SLC24A2: variants seen among roughly 807,000 people sequenced by gnomAD.
The protein encoded by SLC24A2 is solute carrier family 24 member 2.
Under a neutral mutation model 62.0 loss-of-function variants are expected in SLC24A2, and 36 were observed. The ratio of observed to expected loss-of-function variants is 0.58; its 90% CI spans 0.44 to 0.77. The LOEUF (loss-of-function observed/expected upper bound fraction) is 0.77, where lower values mean the gene tolerates loss of function less well. SLC24A2 is among the 30% of genes least tolerant of loss of function. The pLI is 0.00. For missense variants in SLC24A2, 846 were observed against 817.9 expected (o/e 1.03, Z -0.42); for synonymous variants, 358 against 294.0 (o/e 1.22, Z -2.23).
At chr9:19,542,967 G>GA (rs1238878995) in intron 8 of SLC24A2, among the ~76,000 whole-genome samples, 2 of 152,142 alleles carry the variant, frequency 1.3e-5, no homozygotes, top group Admixed American at 6.5e-5. Flanking sequence ...AGTTAGGGAG[G>GA]ATCCCCTCTT....
intron 2 of SLC24A2, among the ~76,000 whole-genome samples, chr9:19,727,301 G>C (rs575547056): frequency 3.9e-5 from 6 of 152,260 alleles, no homozygotes; most frequent in African/African-American, 1.4e-4. Flanking sequence ...AACAAAAAAA[G>C]AATATTTTAG....
At chr9:20,136,895 C>A in the SLC24A2 span, among the ~76,000 whole-genome samples, 14,928 of 152,112 alleles carry the variant, frequency 0.098, 1,169 homozygotes, top group East Asian at 0.31. Flanking sequence ...TTAACCTTCT[C>A]ACAAGGACTT....
chr9:19,534,893 CAAA>C lies in SLC24A2; in HGVS notation c.1480-6758_1480-6756del, dbSNP rs563096532. Among the ~76,000 whole-genome samples the C allele has an allele frequency of 1.2e-3, 181 of 152,260 alleles. 1 individual carries two copies. The highest frequency in any genetic ancestry group is 4.1e-3 in the African/African-American group (170 of 41,532). On this transcript the variant is annotated intron_variant, in intron 8 of 10. Transcript: ENST00000341998. ...ATACCCAGTAATGAGATTGCTGGGT[CAAA>C]TGGTATTTCTAATTCTAGATCCTTG...
At chr9:19,715,515 A>T (rs1168880535) in intron 2 of SLC24A2, among the ~76,000 whole-genome samples, 3 of 152,220 alleles carry the variant, frequency 2.0e-5, no homozygotes, top group Admixed American at 1.3e-4. Context: ...AATCAACATT[A>T]TGGCTCCTCA....
the SLC24A2 span, among the ~76,000 whole-genome samples, chr9:20,141,223 T>C: frequency 1.3e-5 from 2 of 152,158 alleles, no homozygotes; most frequent in Non-Finnish European, 2.9e-5. Context: ...GAGGCTCACC[T>C]GGTAAGAGAT....
the SLC24A2 span, among the ~76,000 whole-genome samples, chr9:19,939,692 A>G: frequency 6.6e-6 from 1 of 152,216 alleles, no homozygotes; most frequent in African/African-American, 2.4e-5. Flanking sequence ...TTCCACAGCT[A>G]TACTATCACT....
intron 2 of SLC24A2, among the ~76,000 whole-genome samples, chr9:19,708,438 G>T (rs941437977): frequency 2.0e-5 from 3 of 152,066 alleles, no homozygotes; most frequent in Admixed American, 2.0e-4. Flanking sequence ...AAAAGAGCCT[G>T]CATCACCAAG....
At chr9:20,229,027 G>A in the SLC24A2 span, among the ~76,000 whole-genome samples, 1 of 152,138 alleles carries the variant, frequency 6.6e-6, no homozygotes, top group Non-Finnish European at 1.5e-5. Flanking sequence ...AGCTGGGTGT[G>A]AGGTGTGACA....
intron 5 of SLC24A2, among the ~76,000 whole-genome samples, chr9:19,578,695 C>G (rs1157978034): frequency 6.6e-6 from 1 of 152,112 alleles, no homozygotes; most frequent in Non-Finnish European, 1.5e-5. Context: ...CAGATTGGCA[C>G]CCACTGCCCA....
chr9:19,830,140 C>T, the SLC24A2 span, among the ~76,000 whole-genome samples: 2 of 152,186 alleles, frequency 1.3e-5, no homozygotes, highest in African/African-American at 4.8e-5. Flanking sequence ...CCAGGGCTGC[C>T]ATGCAGGCCT....
chr9:20,260,754 G>A, the SLC24A2 span, among the ~76,000 whole-genome samples: 12 of 151,768 alleles, frequency 7.9e-5, no homozygotes, highest in East Asian at 1.9e-4. Context: ...ACCTATCACC[G>A]GAAGAGTGTA....
At chr9:20,079,589 G>A in the SLC24A2 span, among the ~76,000 whole-genome samples, 7,691 of 152,242 alleles carry the variant, frequency 0.051, 637 homozygotes, top group African/African-American at 0.17. Context: ...TTATTTTGCA[G>A]TTTTGAATAA....
chr9:20,082,366 T>C, the SLC24A2 span, among the ~76,000 whole-genome samples: 1 of 152,196 alleles, frequency 6.6e-6, no homozygotes, highest in Non-Finnish European at 1.5e-5. Flanking sequence ...GAAAATCACA[T>C]GGAGAAAGTG....
the SLC24A2 span, among the ~76,000 whole-genome samples, chr9:20,077,872 A>G: frequency 6.6e-6 from 1 of 152,168 alleles, no homozygotes; most frequent in African/African-American, 2.4e-5. Flanking sequence ...TTTTCTACCC[A>G]TTTTATCTGT....
chr9:20,070,510 C>T, the SLC24A2 span, among the ~76,000 whole-genome samples: 11 of 152,148 alleles, frequency 7.2e-5, no homozygotes, highest in Admixed American at 3.9e-4. Context: ...CCAAAGAAAC[C>T]GCAGGCAGCA....
chr9:20,186,712 T>C, the SLC24A2 span, among the ~76,000 whole-genome samples: 1 of 152,112 alleles, frequency 6.6e-6, no homozygotes, highest in Non-Finnish European at 1.5e-5. Flanking sequence ...AGAGGAAAAA[T>C]AATGCCTATC....
At chr9:19,923,618 G>A in the SLC24A2 span, among the ~76,000 whole-genome samples, 1 of 152,196 alleles carries the variant, frequency 6.6e-6, no homozygotes, top group African/African-American at 2.4e-5. Flanking sequence ...ACTCATGGAG[G>A]AATGACAAGT....
the SLC24A2 span, among the ~76,000 whole-genome samples, chr9:20,124,230 G>A: frequency 4.1e-4 from 63 of 152,090 alleles, no homozygotes; most frequent in African/African-American, 1.4e-3. Context: ...TAATAGACAG[G>A]AGGATATGGT....
chr9:20,213,094 T>C, the SLC24A2 span, among the ~76,000 whole-genome samples: 10,787 of 151,690 alleles, frequency 0.071, 516 homozygotes, highest in Middle Eastern at 0.12. Context: ...ATGTAGGTGA[T>C]GGGTTGATAA....
Sources: gnomAD v4.1 joint callset for allele counts (sites outside exome capture counted in the v4.1 genomes callset) on GRCh38, gnomAD v4.1.1 for gene constraint, MANE v1.5 for transcripts, NCBI Gene and HGNC (gene_info 2026-07-23, HGNC 2026-07-21) for gene names.